The following CACNA2D3 variants were observed in gnomAD, a reference collection of about 807,000 sequenced individuals.
The protein encoded by CACNA2D3 is calcium voltage-gated channel auxiliary subunit alpha2delta 3.
CACNA2D3 carries 60 observed loss-of-function variants against 160.6 expected under a neutral mutation model. The ratio of observed to expected loss-of-function variants is 0.37; its 90% CI spans 0.30 to 0.46. The LOEUF (loss-of-function observed/expected upper bound fraction) is 0.46, where lower values mean the gene tolerates loss of function less well. CACNA2D3 is among the 20% of genes least tolerant of loss of function. The pLI is 1.00. For synonymous variants in CACNA2D3, 558 were observed against 492.9 expected, an observed-to-expected ratio of 1.13 and a Z score of -1.75; for missense variants, 1,205 against 1,365.0, an observed-to-expected ratio of 0.88 and a Z score of 1.85.
chr3:54,852,016 A>G (rs1251259783), intron 17 of CACNA2D3, among the ~76,000 whole-genome samples: 1 of 151,908 alleles, frequency 6.6e-6, no homozygotes, highest in African/African-American at 2.4e-5. Context: ...GGATTATAGG[A>G]CCTCCTCTTT....
At chr3:54,425,750 C>T (rs558406540) in intron 4 of CACNA2D3, among the ~76,000 whole-genome samples, 1 of 152,362 alleles carries the variant, frequency 6.6e-6, no homozygotes, top group South Asian at 2.1e-4. Context: ...GACTCTGAAG[C>T]ACTAGGCCCT....
At chr3:54,702,574 C>T (rs1700787183) in intron 11 of CACNA2D3, among the ~76,000 whole-genome samples, 1 of 152,118 alleles carries the variant, frequency 6.6e-6, no homozygotes, top group Non-Finnish European at 1.5e-5. Flanking sequence ...GAATGGCTGT[C>T]ATTAAAAAGT....
At chr3:55,053,803 C>T (rs937989691) in intron 35 of CACNA2D3, among the ~76,000 whole-genome samples, 2 of 151,902 alleles carry the variant, frequency 1.3e-5, no homozygotes, top group African/African-American at 4.8e-5. Context: ...CAGGCTGTAA[C>T]TTCAAGTACA....
chr3:54,214,287 C>T (rs933359867), intron 2 of CACNA2D3, among the ~76,000 whole-genome samples: 3 of 152,166 alleles, frequency 2.0e-5, no homozygotes, highest in Non-Finnish European at 4.4e-5. Context: ...CCTCAATATC[C>T]AGTATTTACA....
intron 4 of CACNA2D3, among the ~76,000 whole-genome samples, chr3:54,460,237 G>T (rs1423511107): frequency 1.3e-5 from 2 of 152,042 alleles, no homozygotes; most frequent in African/African-American, 2.4e-5. Context: ...TTTTGGCTTA[G>T]GATTGACTTG....
rs11296998 is a variant in CACNA2D3, at chr3:54,413,915, C to CT, written c.381+27154dup. Among the ~76,000 whole-genome samples the CT allele has an allele frequency of 2.6e-3, 364 of 139,616 alleles. 4 individuals are homozygous for CT. Among genetic ancestry groups the CT allele is most frequent in the African/African-American group, 9.1e-3 (347 of 38,120 alleles). 91.6% of individuals were successfully genotyped at this position (139,616 alleles called of 152,430 possible). A position where few individuals can be genotyped will look rare whatever the true frequency, so the allele number is the denominator to read the frequency against. The stretch of plus-strand genomic sequence containing the variant: ...TTGACTGCTTTTTCTTTTTAAGTCA[C>CT]TTTTTTTTTTTTTGCCTCTTCACTT... On this transcript the variant is annotated intron_variant, in intron 4 of 37. Transcript: ENST00000474759.
intron 4 of CACNA2D3, among the ~76,000 whole-genome samples, chr3:54,418,540 A>C (rs1699792604): frequency 6.6e-6 from 1 of 152,260 alleles, no homozygotes; most frequent in Non-Finnish European, 1.5e-5. Context: ...AAGGAAATAA[A>C]AGATGATTCC....
At chr3:54,231,521 C>T (rs1306547114) in intron 2 of CACNA2D3, among the ~76,000 whole-genome samples, 1 of 152,106 alleles carries the variant, frequency 6.6e-6, no homozygotes, top group Non-Finnish European at 1.5e-5. Context: ...AGAAACAGGC[C>T]CTGTCCTGGG....
chr3:54,690,034 C>T (rs529100915), intron 11 of CACNA2D3, among the ~76,000 whole-genome samples: 1 of 152,146 alleles, frequency 6.6e-6, no homozygotes, highest in East Asian at 1.9e-4. Flanking sequence ...CCTGCCTCTA[C>T]AACTTTGCAC....
At chr3:54,718,319 A>G (rs938598977) in intron 11 of CACNA2D3, among the ~76,000 whole-genome samples, 2 of 152,118 alleles carry the variant, frequency 1.3e-5, no homozygotes, top group Non-Finnish European at 1.5e-5. Context: ...CCCTGCCCCA[A>G]TGGTGGATGA....
intron 13 of CACNA2D3, among the ~76,000 whole-genome samples, chr3:54,801,561 T>G (rs560927837): frequency 6.6e-6 from 1 of 152,310 alleles, no homozygotes; most frequent in Non-Finnish European, 1.5e-5. Flanking sequence ...ACTTATTACA[T>G]ATTCAAATAA....
At chr3:54,650,423 G>T (rs1266229715) in intron 11 of CACNA2D3, among the ~76,000 whole-genome samples, 2 of 151,952 alleles carry the variant, frequency 1.3e-5, no homozygotes, top group East Asian at 3.9e-4. Flanking sequence ...GTGTAGTGGT[G>T]CATGTTCTTG....
intron 27 of CACNA2D3, among the ~76,000 whole-genome samples, chr3:54,960,474 C>G (rs769998233): frequency 3.9e-5 from 6 of 152,296 alleles, no homozygotes; most frequent in South Asian, 2.1e-4. Context: ...GGTGTTTCTG[C>G]TGCTGTGAGA....
intron 2 of CACNA2D3, among the ~76,000 whole-genome samples, chr3:54,185,080 C>G (rs183792629): frequency 6.6e-6 from 1 of 152,280 alleles, no homozygotes; most frequent in Admixed American, 6.5e-5. Context: ...TGAAATTCTT[C>G]TGTTGACAGG....
At chr3:54,640,820 C>G (rs970384307) in intron 10 of CACNA2D3, among the ~76,000 whole-genome samples, 4 of 152,146 alleles carry the variant, frequency 2.6e-5, no homozygotes, top group Admixed American at 6.5e-5. Context: ...CAGATCCACC[C>G]GAACTAGCCT....
At chr3:54,345,982 A>T (rs903195185) in intron 3 of CACNA2D3, among the ~76,000 whole-genome samples, 3 of 152,058 alleles carry the variant, frequency 2.0e-5, no homozygotes, top group Admixed American at 2.0e-4. Flanking sequence ...GATTTATAGG[A>T]TGCTGCCCCT....
chr3:54,348,560 A>G (rs1698497351), intron 3 of CACNA2D3, among the ~76,000 whole-genome samples: 1 of 152,222 alleles, frequency 6.6e-6, no homozygotes, highest in South Asian at 2.1e-4. Flanking sequence ...GCACACTATC[A>G]GGACTCTCTT....
At chr3:54,828,197 C>T (rs1272365760) in intron 14 of CACNA2D3, among the ~76,000 whole-genome samples, 6 of 152,186 alleles carry the variant, frequency 3.9e-5, no homozygotes, top group African/African-American at 7.2e-5. Context: ...TTCAGGGCAT[C>T]TACTTGGAGG....
intron 17 of CACNA2D3, among the ~76,000 whole-genome samples, chr3:54,853,188 A>G (rs1699097982): frequency 6.6e-6 from 1 of 151,940 alleles, no homozygotes. Flanking sequence ...ATACTCCTCC[A>G]TCACTCTCCA....
Sources: gnomAD v4.1 joint callset for allele counts (sites outside exome capture counted in the v4.1 genomes callset) on GRCh38, gnomAD v4.1.1 for gene constraint, MANE v1.5 for transcripts, NCBI Gene and HGNC (gene_info 2026-07-23, HGNC 2026-07-21) for gene names.